Variants in USP46 observed in about 807,000 individuals in gnomAD.
USP46 encodes ubiquitin carboxyl-terminal hydrolase 46.
Under a neutral mutation model 44.4 loss-of-function variants are expected in USP46, and 12 were observed. The observed-to-expected ratio is 0.27, with a 90% CI of 0.17 to 0.44. USP46 has a LOEUF of 0.44. USP46 is among the 20% of genes least tolerant of loss of function. The pLI is 1.00. For missense variants in USP46, 248 were observed against 444.8 expected, an observed-to-expected ratio of 0.56 and a Z score of 3.98; for synonymous variants, 155 against 161.5, an observed-to-expected ratio of 0.96 and a Z score of 0.31.
At chr4:52,653,546 C>T (rs558094744) in intron 1 of USP46, among the ~76,000 whole-genome samples, 3 of 149,968 alleles carry the variant, frequency 2.0e-5, no homozygotes, top group Admixed American at 6.6e-5. Context: ...TTTTGGGTGG[C>T]CTTTTCTCTT....
chr4:52,591,264 G>A lies in USP46; in HGVS notation c.*6376C>T, dbSNP rs1413817466. 2 of 152,224 alleles carry A rather than the reference G, an allele frequency of 1.3e-5. No individual in the cohort carries two copies. The highest frequency in any genetic ancestry group is 2.9e-5 in the Non-Finnish European group (2 of 68,042). The allele number at this position is 152,224 out of a possible 1,614,324, so 9.4% of individuals were successfully genotyped here. ...ATGAATATGGCTGCATTGGATTCCAGAGGAGGACTTGATCAAATACACAGA... is the reference window on the plus strand; with the variant it reads ...ATGAATATGGCTGCATTGGATTCCAAAGGAGGACTTGATCAAATACACAGA... On this transcript the variant is annotated 3_prime_UTR_variant, in exon 9 of 9. Transcript: ENST00000441222.
rs1716605054 is a variant in USP46 at position 52,604,540 on chromosome 4, T to A, written c.683A>T (p.Tyr228Phe). 6.2e-7 allele frequency: 1 copy of A among 1,611,332 alleles called. No individual in the cohort carries two copies. Among genetic ancestry groups the A allele is most frequent in the Non-Finnish European group, 8.5e-7 (1 of 1,179,102 alleles). ...TETLCSEQKY[Y>F]CETCCSKQEA... ...TTGTTTGCTGCAGCATGTTTCACAATAATATTTTTGTTCACTACACAGTGT... is the reference window on the plus strand; with the variant it reads ...TTGTTTGCTGCAGCATGTTTCACAAAAATATTTTTGTTCACTACACAGTGT... The change falls in exon 6 of 9, where the codon TAT (tyrosine) becomes TTT (phenylalanine). Residue 228 changes from tyrosine to phenylalanine, a missense_variant. Around this residue, in one of 5 missense-constraint regions of USP46, gnomAD observed 98 missense variants for 218.2 expected, o/e 0.45. Transcript: ENST00000441222.
rs561305365 is a variant in USP46, at chr4:52,594,084, C to T, written c.*3556G>A. Reference sequence around the variant, plus strand: ...AAATTGTTTGTAATAATTACTTGGACATAAGACCTGCCACTGACTCACACT... The same window carrying T: ...AAATTGTTTGTAATAATTACTTGGATATAAGACCTGCCACTGACTCACACT... On this transcript the variant is annotated 3_prime_UTR_variant, in exon 9 of 9. Transcript: ENST00000441222. 1.3e-5 allele frequency: 2 copies of T among 152,252 alleles called. No individual in the cohort carries two copies. The highest frequency in any genetic ancestry group is 1.3e-4 in the Admixed American group (2 of 15,296). 9.4% of individuals were successfully genotyped at this position (152,252 alleles called of 1,614,324 possible).
intron 1 of USP46, among the ~76,000 whole-genome samples, chr4:52,632,423 T>A (rs901134530): frequency 1.1e-4 from 16 of 152,186 alleles, no homozygotes; most frequent in Admixed American, 1.3e-4. Flanking sequence ...ATGGACTCTA[T>A]CATCATTCTA....
chr4:52,626,815 T>C (rs980751080), intron 3 of USP46, among the ~76,000 whole-genome samples: 5 of 152,240 alleles, frequency 3.3e-5, no homozygotes, highest in Admixed American at 1.3e-4. Context: ...CCAAAAGTTC[T>C]ATTTGTTCTA....
rs1350835246 is a variant in USP46, at chr4:52,596,068, T to C, written c.*1572A>G. 6.6e-6 allele frequency: 1 copy of C among 152,628 alleles called. No individual in the cohort carries two copies. The highest frequency in any genetic ancestry group is 2.4e-5 in the African/African-American group (1 of 41,454). The allele number at this position is 152,628 out of a possible 1,614,324, so 9.5% of individuals were successfully genotyped here. ...ACTTCAAGCATAAACAAACGAAATGTTGGCATGCTTACTTAAGTTCTGAGC... is the reference window on the plus strand; with the variant it reads ...ACTTCAAGCATAAACAAACGAAATGCTGGCATGCTTACTTAAGTTCTGAGC... On this transcript the variant is annotated 3_prime_UTR_variant, in exon 9 of 9. Coordinates refer to ENST00000441222, the MANE Select transcript of USP46 (RefSeq NM_022832.4).
intron 7 of USP46, among the ~76,000 whole-genome samples, chr4:52,599,627 A>G (rs934556869): frequency 2.0e-5 from 3 of 152,236 alleles, no homozygotes; most frequent in African/African-American, 7.2e-5. Context: ...AAAAAAGCAG[A>G]AAGGACAACT....
intron 1 of USP46, among the ~76,000 whole-genome samples, chr4:52,656,100 CCTT>C (rs1240793763): frequency 6.6e-6 from 1 of 152,090 alleles, no homozygotes; most frequent in Non-Finnish European, 1.5e-5. Flanking sequence ...AAAAATGGTA[CCTT>C]CTAATATCCT....
chr4:52,634,534 C>A (rs1718038946), intron 1 of USP46, among the ~76,000 whole-genome samples: 1 of 150,250 alleles, frequency 6.7e-6, no homozygotes, highest in Non-Finnish European at 1.5e-5. Flanking sequence ...AAAAAATTCT[C>A]CTGCCTCAGC....
chr4:52,642,778 T>A (rs1222221091), intron 1 of USP46, among the ~76,000 whole-genome samples: 1 of 152,138 alleles, frequency 6.6e-6, no homozygotes, highest in Non-Finnish European at 1.5e-5. Context: ...ACAAATAATG[T>A]CAACTTTTAA....
intron 4 of USP46, among the ~76,000 whole-genome samples, chr4:52,618,250 A>C (rs958310104): frequency 4.6e-5 from 7 of 152,076 alleles, no homozygotes; most frequent in Non-Finnish European, 8.8e-5. Flanking sequence ...GCACTTTGGA[A>C]GGCTCAGGTG....
intron 1 of USP46, among the ~76,000 whole-genome samples, chr4:52,648,217 C>T (rs1428067177): frequency 1.3e-5 from 2 of 152,196 alleles, no homozygotes; most frequent in African/African-American, 2.4e-5. Context: ...CCATCATCTA[C>T]AAAGTAGTTC....
chr4:52,628,231 G>A, intron 2 of USP46, 68 bp from the exon 3 acceptor site: 1 of 1,520,760 alleles, frequency 6.6e-7, no homozygotes, highest in Non-Finnish European at 9.0e-7. Flanking sequence ...AATAAGTGGT[G>A]AGGGTGAGAA....
intron 2 of USP46, among the ~76,000 whole-genome samples, chr4:52,629,073 C>G (rs1193752686): frequency 6.6e-6 from 1 of 152,130 alleles, no homozygotes; most frequent in South Asian, 2.1e-4. Flanking sequence ...AAATAACTAA[C>G]AAGATTAATA....
chr4:52,651,617 T>G (rs1033279655), intron 1 of USP46, among the ~76,000 whole-genome samples: 21 of 152,170 alleles, frequency 1.4e-4, no homozygotes, highest in Non-Finnish European at 2.8e-4. Flanking sequence ...GTACCTAACC[T>G]GAAGGACAGA....
At chr4:52,626,841 TATCAG>T (rs1717609430) in intron 3 of USP46, among the ~76,000 whole-genome samples, 1 of 152,212 alleles carries the variant, frequency 6.6e-6, no homozygotes, top group African/African-American at 2.4e-5. Context: ...GAACAGAAGT[TATCAG>T]ATAAGTTCCC....
chr4:52,638,858 C>T (rs1448815721), intron 1 of USP46, among the ~76,000 whole-genome samples: 2 of 151,910 alleles, frequency 1.3e-5, no homozygotes, highest in Non-Finnish European at 2.9e-5. Context: ...AACATATGTT[C>T]GTGCTCTCCC....
chr4:52,639,785 C>G (rs1718260548), intron 1 of USP46, among the ~76,000 whole-genome samples: 1 of 151,654 alleles, frequency 6.6e-6, no homozygotes, highest in African/African-American at 2.4e-5. Context: ...CAGCGTCAAC[C>G]TTTCAGGCTC....
chr4:52,642,185 T>C (rs114363983), intron 1 of USP46, among the ~76,000 whole-genome samples: 1,647 of 152,338 alleles, frequency 0.011, 11 homozygotes, highest in Non-Finnish European at 0.016. Context: ...AGAGGAATTA[T>C]GGCTACCGAT....
Sources: allele counts gnomAD v4.1 joint callset (sites outside exome capture counted in the v4.1 genomes callset), GRCh38; gene constraint gnomAD v4.1.1; regional missense constraint gnomAD v4.1.1; transcripts MANE v1.5; gene names NCBI Gene and HGNC (gene_info 2026-07-23, HGNC 2026-07-21).